Variants in NYAP2 observed in about 807,000 individuals in gnomAD.
NYAP2 encodes the protein neuronal tyrosine-phosphorylated phosphoinositide-3-kinase adapter 2.
NYAP2 carries 23 observed loss-of-function variants against 50.4 expected under a neutral mutation model. That is an observed-to-expected ratio of 0.46 (90% CI 0.33 to 0.65). The LOEUF (loss-of-function observed/expected upper bound fraction) is 0.65, where lower values mean the gene tolerates loss of function less well. Ranked by LOEUF, NYAP2 falls within the 30% of genes least tolerant of loss-of-function variation. NYAP2 has a pLI of 0.02. For missense variants in NYAP2, 885 were observed against 861.0 expected (o/e 1.03, Z -0.35); for synonymous variants, 394 against 365.2 (o/e 1.08, Z -0.90).
the NYAP2 span, among the ~76,000 whole-genome samples, chr2:225,675,656 A>G: frequency 6.6e-6 from 1 of 152,124 alleles, no homozygotes. Context: ...GTGGGTATAC[A>G]CCCAGTAGTG....
chr2:225,447,368 ATTAT>A (rs1194225173), intron 3 of NYAP2, among the ~76,000 whole-genome samples: 1 of 152,208 alleles, frequency 6.6e-6, no homozygotes, highest in Non-Finnish European at 1.5e-5. Context: ...AATATCTAAC[ATTAT>A]TTATGATATT....
intron 4 of NYAP2, among the ~76,000 whole-genome samples, chr2:225,565,000 G>T (rs570652285): frequency 1.6e-4 from 25 of 152,026 alleles, no homozygotes; most frequent in African/African-American, 5.8e-4. Flanking sequence ...CATGGTGGTA[G>T]GTGCCTGTAG....
At chr2:225,461,221 C>T (rs1339786334) in intron 3 of NYAP2, among the ~76,000 whole-genome samples, 1 of 151,954 alleles carries the variant, frequency 6.6e-6, no homozygotes, top group Non-Finnish European at 1.5e-5. Context: ...AGATTCTGGC[C>T]CAGAAAAGCC....
chr2:225,527,929 G>A (rs1424348058), intron 4 of NYAP2, among the ~76,000 whole-genome samples: 1 of 152,168 alleles, frequency 6.6e-6, no homozygotes, highest in Non-Finnish European at 1.5e-5. Flanking sequence ...TTACAGGTGT[G>A]AGCCACTGCA....
intron 3 of NYAP2, among the ~76,000 whole-genome samples, chr2:225,431,099 TA>T (rs1695359546): frequency 1.3e-5 from 2 of 152,276 alleles, no homozygotes; most frequent in South Asian, 4.1e-4. Context: ...CAAATATCTC[TA>T]AAAAATAAAA....
exon 3 of NYAP2, chr2:225,409,006 T>C: frequency 6.2e-7 from 1 of 1,612,602 alleles, no homozygotes; most frequent in East Asian, 2.2e-5. Flanking sequence ...CGTCAGATAT[T>C]GCTCGAGAGA....
intron 3 of NYAP2, among the ~76,000 whole-genome samples, chr2:225,488,990 A>G (rs1182338473): frequency 1.4e-4 from 21 of 152,220 alleles, no homozygotes; most frequent in Non-Finnish European, 1.5e-5. Context: ...CAGCTTTGCT[A>G]AGAATCCAGG....
intron 5 of NYAP2, among the ~76,000 whole-genome samples, chr2:225,609,700 G>T (rs546375889): frequency 6.6e-6 from 1 of 152,224 alleles, no homozygotes; most frequent in East Asian, 1.9e-4. Flanking sequence ...GACACTGGTT[G>T]CCCAGAGCTA....
rs770119189 is a variant in NYAP2, at chr2:225,582,886, C to T, written c.1469C>T (p.Ala490Val). ...CAAGATGGGGCCAAGATGGTCAACG[C>T]CGCGGTGAACACCTACGGGGCAGCC... Residue 490 changes from alanine to valine, a missense_variant, in exon 5 of 7, where the codon GCC becomes GTC. Transcript: ENST00000636099. The surrounding 1 kb of genome is among the most constrained non-coding windows in gnomAD (Gnocchi z 7.0). 2 of 1,613,642 alleles carry T rather than the reference C, an allele frequency of 1.2e-6. No individual in the cohort carries two copies. The highest frequency in any genetic ancestry group is 8.5e-7 in the Non-Finnish European group (1 of 1,179,890).
At chr2:225,578,321 G>A (rs1692204535) in intron 4 of NYAP2, among the ~76,000 whole-genome samples, 1 of 152,010 alleles carries the variant, frequency 6.6e-6, no homozygotes, top group African/African-American at 2.4e-5. Flanking sequence ...CCTGCATTAG[G>A]CTCTCTTCAC....
the NYAP2 span, among the ~76,000 whole-genome samples, chr2:225,685,899 A>G: frequency 1.3e-5 from 2 of 152,166 alleles, no homozygotes; most frequent in East Asian, 1.9e-4. Flanking sequence ...ACAAATTTCA[A>G]TGGAACAAAA....
At chr2:225,495,180 T>C (rs1472312872) in intron 3 of NYAP2, among the ~76,000 whole-genome samples, 2 of 152,182 alleles carry the variant, frequency 1.3e-5, no homozygotes, top group African/African-American at 4.8e-5. Context: ...AACCTGAGTA[T>C]AAGAAACAGC....
At chr2:225,412,255 C>CTTTTTTTTTT (rs560637948) in intron 3 of NYAP2, among the ~76,000 whole-genome samples, 10,321 of 58,522 alleles carry the variant, frequency 0.18, 2,650 homozygotes, top group Non-Finnish European at 0.26. Flanking sequence ...CTGCGCCCGG[C>CTTTTTTTTTT]TTTTTTTTTT....
In NYAP2 at chr2:225,458,344, G is replaced by A. The variant is rs143299419; in HGVS notation, c.221+49243G>A. 7.3e-3 allele frequency among the ~76,000 whole-genome samples: 1,104 copies of A among 152,112 alleles called. 12 individuals are homozygous for A. Among genetic ancestry groups the A allele is most frequent in the African/African-American group, 0.025 (1,026 of 41,498 alleles). ...CCAGCCTGGGTGACAGAAAATCTACGTACTTTAAGGCATTCTCTTTAGTTT... is the reference window on the plus strand; with the variant it reads ...CCAGCCTGGGTGACAGAAAATCTACATACTTTAAGGCATTCTCTTTAGTTT... On this transcript the variant is annotated intron_variant, in intron 3 of 6. Coordinates refer to ENST00000636099, the Ensembl canonical transcript of NYAP2.
chr2:225,535,080 G>A (rs1346539774), intron 4 of NYAP2, among the ~76,000 whole-genome samples: 1 of 152,146 alleles, frequency 6.6e-6, no homozygotes. Flanking sequence ...ATCAGCAGGC[G>A]GCTAATAGCT....
At chr2:225,678,440 A>T in the NYAP2 span, among the ~76,000 whole-genome samples, 1 of 151,912 alleles carries the variant, frequency 6.6e-6, no homozygotes, top group Non-Finnish European at 1.5e-5. Flanking sequence ...TTATTTATTT[A>T]TGTATTTAAT....
chr2:225,523,185 C>T (rs561397358), intron 4 of NYAP2, among the ~76,000 whole-genome samples: 3 of 151,944 alleles, frequency 2.0e-5, no homozygotes, highest in African/African-American at 7.2e-5. Context: ...GTGGCCATAA[C>T]GTTTTTTAAA....
Position 225,582,128 on chromosome 2 carries a change from C to A in NYAP2, c.711C>A (p.Asp237Glu), listed in dbSNP as rs377207293. Residue 237 changes from aspartate (D) to glutamate (E), a missense_variant, in exon 5 of 7, where the codon GAC becomes GAA. Physicochemically the swap from Asp to Glu is conservative, Grantham distance 45. Transcript: ENST00000636099. The surrounding 1 kb of genome is among the most constrained non-coding windows in gnomAD (Gnocchi z 7.0). ...CCCAGATGGGCAGCCCCGCGGGAGA[C>A]CCCGAGGAAGAGGAGCCCGTGTACA... 2 of 1,613,816 alleles carry A rather than the reference C, an allele frequency of 1.2e-6. No individual in the cohort carries two copies. Among genetic ancestry groups the A allele is most frequent in the Non-Finnish European group, 1.7e-6 (2 of 1,179,814 alleles).
At chr2:225,545,455 A>G (rs1310137977) in intron 4 of NYAP2, among the ~76,000 whole-genome samples, 1 of 151,938 alleles carries the variant, frequency 6.6e-6, no homozygotes, top group African/African-American at 2.4e-5. Context: ...CTGCTTGATC[A>G]ATTCTGCTAT....
Sources: allele counts gnomAD v4.1 joint callset (sites outside exome capture counted in the v4.1 genomes callset), GRCh38; gene constraint gnomAD v4.1.1; non-coding constraint Gnocchi (gnomAD v3.1); transcripts MANE v1.5; gene names NCBI Gene and HGNC (gene_info 2026-07-23, HGNC 2026-07-21).